Variants in NBPF11 observed in about 807,000 individuals in gnomAD.
The protein encoded by NBPF11 is NBPF family member NBPF11.
A neutral mutation model predicts 93.9 loss-of-function variants in NBPF11; 72 were observed. That is an observed-to-expected ratio of 0.77 (90% confidence interval 0.63 to 0.93). The LOEUF (loss-of-function observed/expected upper bound fraction) is 0.93. NBPF11 is among the 40% of genes least tolerant of loss of function. NBPF11 has a pLI of 0.00. For missense variants in NBPF11, 705 were observed against 802.2 expected (o/e 0.88, Z 1.46); for synonymous variants, 224 against 304.9 (o/e 0.73, Z 2.76).
chr1:148,116,979 A>T (rs1445743533), intron 12 of NBPF11, among the ~76,000 whole-genome samples: 1 of 150,078 alleles, frequency 6.7e-6, no homozygotes, highest in Non-Finnish European at 1.5e-5. Context: ...CTGCTGTGTT[A>T]TTCAGGGACA....
chr1:148,146,456 G>A (rs1462380334), intron 1 of NBPF11: 13 of 1,604,262 alleles, frequency 8.1e-6, no homozygotes, highest in Admixed American at 1.7e-5. Flanking sequence ...TGCCCCGGCC[G>A]CATCGCTGCC....
chr1:148,114,845 G>A (rs1666101152), intron 14 of NBPF11, among the ~76,000 whole-genome samples: 1 of 151,266 alleles, frequency 6.6e-6, no homozygotes, highest in Non-Finnish European at 1.5e-5. Flanking sequence ...GACATTAAAT[G>A]TTTAGAGGCA....
Position 148,102,498 on chromosome 1 carries a change from A to G in NBPF11, c.*1398T>C, listed in dbSNP as rs1408998748. The G allele has an allele frequency of 6.6e-6, 1 of 151,808 alleles. No individual in the cohort carries two copies. Among genetic ancestry groups the G allele is most frequent in the Non-Finnish European group, 1.5e-5 (1 of 68,018 alleles). The allele number at this position is 151,808 out of a possible 1,614,324, so 9.4% of individuals were successfully genotyped here. A position where few individuals can be genotyped will look rare whatever the true frequency, so the allele number is the denominator to read the frequency against. Reference sequence around the variant, plus strand: ...CCAAGTAACCAGTCCTGATATCATAATGGTGTTGGACAAACTAGACCTTCT... The same window carrying G: ...CCAAGTAACCAGTCCTGATATCATAGTGGTGTTGGACAAACTAGACCTTCT... On this transcript the variant is annotated 3_prime_UTR_variant, in exon 24 of 24. Coordinates refer to ENST00000682118, the MANE Select transcript of NBPF11 (RefSeq NM_001385469.3).
At position 148,110,373 on chromosome 1, in the gene NBPF11, C is replaced by G. The variant is rs1304208621; in HGVS notation, c.1801+5G>C. On this transcript the variant is annotated splice_donor_5th_base_variant and intron_variant, in intron 16 of 23. Coordinates refer to ENST00000682118, the MANE Select transcript of NBPF11 (RefSeq NM_001385469.3). Reference sequence around the variant, plus strand: ...GCTTTATCACCTTCACAATGGAGTACTCACTGCCTATGTCAACAGCCATGC... The same window carrying G: ...GCTTTATCACCTTCACAATGGAGTAGTCACTGCCTATGTCAACAGCCATGC... The G allele has an allele frequency of 8.6e-4, 1,353 of 1,577,944 alleles. 30 individuals carry two copies. The South Asian group carries it at 0.014, about 17-fold the overall frequency.
intron 1 of NBPF11, among the ~76,000 whole-genome samples, chr1:148,146,090 G>C (rs1409113880): frequency 6.6e-6 from 1 of 151,930 alleles, no homozygotes. Context: ...AGGGACCGAC[G>C]GACGCACGGG....
At position 148,105,485 on chromosome 1, in the gene NBPF11, G is replaced by C. The variant is rs1390609963; in HGVS notation, c.2347C>G (p.Gln783Glu). The C allele has an allele frequency of 3.7e-6, 4 of 1,085,888 alleles. No individual in the cohort carries two copies. The African/African-American group carries it at 6.7e-5, about 18-fold the overall frequency. 67.3% of individuals were successfully genotyped at this position (1,085,888 alleles called of 1,614,324 possible). ...AGTTGAATAACATCCAGTGAGTCCT[G>C]CAAGACTTCAGGCTCTACTACCTCC... is the stretch of plus-strand genomic sequence containing the variant. ...LLEVVEPEVL[Q>E]DSLDVIQLLP... Residue 783 changes from glutamine (Q) to glutamate (E), a missense_variant, in exon 22 of 24, where the codon CAG becomes GAG. Coordinates refer to ENST00000682118, the MANE Select transcript of NBPF11 (RefSeq NM_001385469.3).
chr1:148,126,091 G>T (rs1168338180), intron 5 of NBPF11, among the ~76,000 whole-genome samples: 3 of 151,908 alleles, frequency 2.0e-5, no homozygotes, highest in Non-Finnish European at 4.4e-5. Context: ...ACATCTGCCT[G>T]CTGGGTTCAA....
At chr1:148,125,359 G>A (rs1668867393) in intron 5 of NBPF11, among the ~76,000 whole-genome samples, 1 of 151,994 alleles carries the variant, frequency 6.6e-6, no homozygotes, top group African/African-American at 2.4e-5. Context: ...GCATGAAGTA[G>A]TGATTTCTTG....
intron 1 of NBPF11, chr1:148,149,300 C>A (rs1234588573): frequency 1.3e-6 from 2 of 1,596,822 alleles, no homozygotes; most frequent in Non-Finnish European, 1.7e-6. Context: ...CGTCGCCTTC[C>A]GCGACACCAA....
chr1:148,104,110 G>GAGAGAC (rs796078454), intron 23 of NBPF11, among the ~76,000 whole-genome samples, 198 bp from the exon 24 acceptor site: 4,249 of 132,710 alleles, frequency 0.032, 279 homozygotes, highest in African/African-American at 0.09. Context: ...GACAGAGAGA[G>GAGAGAC]AGAGACAGAG....
intron 2 of NBPF11, among the ~76,000 whole-genome samples, chr1:148,142,332 C>T (rs1165260683): frequency 2.6e-5 from 4 of 151,978 alleles, no homozygotes; most frequent in Non-Finnish European, 5.9e-5. Flanking sequence ...ACAACCCCTT[C>T]TTCCTCCTCT....
chr1:148,106,604 T>C (rs1663689070), intron 20 of NBPF11, among the ~76,000 whole-genome samples: 2 of 142,282 alleles, frequency 1.4e-5, no homozygotes, highest in African/African-American at 5.6e-5. Context: ...GCAAGAATTT[T>C]AGACACTGAA....
At chr1:148,104,308 A>AT in intron 23 of NBPF11, among the ~76,000 whole-genome samples, 1 of 145,846 alleles carries the variant, frequency 6.9e-6, no homozygotes, top group South Asian at 2.1e-4. Context: ...TGCAGTGGCC[A>AT]TGAGAGTACA....
chr1:148,104,447 AAC>A (rs1663040631), intron 23 of NBPF11, 88 bp downstream of exon 23: 1 of 610,646 alleles, frequency 1.6e-6, no homozygotes. Context: ...CTTCGTTGAA[AAC>A]ATGACATCAA....
At chr1:148,147,903 C>T (rs1462811956) in intron 1 of NBPF11, among the ~76,000 whole-genome samples, 1 of 152,058 alleles carries the variant, frequency 6.6e-6, no homozygotes, top group African/African-American at 2.4e-5. Flanking sequence ...GCTCTGTCTG[C>T]TCGGCCATCT....
intron 1 of NBPF11, among the ~76,000 whole-genome samples, chr1:148,148,151 C>G (rs1647233178): frequency 1.3e-5 from 2 of 152,200 alleles, no homozygotes. Context: ...GCCACAGGCA[C>G]CAGCCAGGCA....
chr1:148,145,993 G>T lies in NBPF11; in HGVS notation c.-548-2307C>A, dbSNP rs1442605181. 5.3e-5 allele frequency among the ~76,000 whole-genome samples: 8 copies of T among 152,180 alleles called. No homozygotes were observed. In the East Asian group the frequency reaches 1.5e-3, roughly 29 times the overall value. Reference sequence around the variant, plus strand: ...TGCAATCCATATATATCCTAGAAAGGATGCATATCCAGAATAAAGTATTAC... The same window carrying T: ...TGCAATCCATATATATCCTAGAAAGTATGCATATCCAGAATAAAGTATTAC... On this transcript the variant is annotated intron_variant, in intron 1 of 23. Coordinates refer to ENST00000682118, the MANE Select transcript of NBPF11 (RefSeq NM_001385469.3).
Position 148,146,994 on chromosome 1 carries a change from GC to G in NBPF11, c.-548-3309del, listed in dbSNP as rs1673245643. 13 of 1,431,498 alleles carry G rather than the reference GC, an allele frequency of 9.1e-6. No homozygotes were observed. In the South Asian group the frequency reaches 1.6e-4, roughly 18 times the overall value. 88.7% of individuals were successfully genotyped at this position (1,431,498 alleles called of 1,614,324 possible). On this transcript the variant is annotated intron_variant, in intron 1 of 23. Coordinates refer to ENST00000682118, the MANE Select transcript of NBPF11 (RefSeq NM_001385469.3). ...GACCAGGCGGGGGGCCGGGGGGCGGGCTTCCCTGGGAGGAAGGTGGGCGGCC... is the reference window on the plus strand; with the variant it reads ...GACCAGGCGGGGGGCCGGGGGGCGGGTTCCCTGGGAGGAAGGTGGGCGGCC...
chr1:148,113,505 CA>C (rs1665796281), intron 15 of NBPF11, among the ~76,000 whole-genome samples: 1 of 127,336 alleles, frequency 7.9e-6, no homozygotes, highest in Non-Finnish European at 1.6e-5. Flanking sequence ...ATTTAGACTC[CA>C]CACAATCATC....
Sources: allele counts gnomAD v4.1 joint callset (sites outside exome capture counted in the v4.1 genomes callset), GRCh38; gene constraint gnomAD v4.1.1; transcripts MANE v1.5; gene names NCBI Gene and HGNC (gene_info 2026-07-23, HGNC 2026-07-21).